The following PDZRN3 variants were observed in gnomAD, a reference collection of about 807,000 sequenced individuals.
The protein encoded by PDZRN3 is E3 ubiquitin-protein ligase PDZRN3.
A neutral mutation model predicts 85.7 loss-of-function variants in PDZRN3; 38 were observed. The ratio of observed to expected loss-of-function variants is 0.44; its 90% confidence interval spans 0.34 to 0.58. The LOEUF is 0.58. Ranked by LOEUF, PDZRN3 falls within the 20% of genes least tolerant of loss-of-function variation. The pLI, the probability that PDZRN3 is intolerant of heterozygous loss-of-function variation, is 0.01. For missense variants in PDZRN3, 1,629 were observed against 1,506.4 expected, an observed-to-expected ratio of 1.08 and a Z score of -1.35; for synonymous variants, 759 against 638.0, an observed-to-expected ratio of 1.19 and a Z score of -2.86.
At chr3:73,505,685 C>A (rs1559713289) in intron 3 of PDZRN3, among the ~76,000 whole-genome samples, 1 of 151,996 alleles carries the variant, frequency 6.6e-6, no homozygotes, top group African/African-American at 2.4e-5. Context: ...TTATTTTCAT[C>A]ATCAGAAACT....
At chr3:73,517,729 A>G (rs1559718554) in intron 3 of PDZRN3, among the ~76,000 whole-genome samples, 1 of 152,226 alleles carries the variant, frequency 6.6e-6, no homozygotes, top group Non-Finnish European at 1.5e-5. Flanking sequence ...GACGATGTAG[A>G]GTTTCTGTAA....
intron 3 of PDZRN3, among the ~76,000 whole-genome samples, chr3:73,427,648 T>C (rs1203141189): frequency 6.6e-6 from 1 of 152,222 alleles, no homozygotes; most frequent in African/African-American, 2.4e-5. Context: ...GCTGTATCTG[T>C]GGAAACCATT....
chr3:73,384,246 A>G lies in PDZRN3; in HGVS notation c.2320T>C (p.Ser774Pro). The change falls in exon 10 of 10, where the codon TCC (serine) becomes CCC (proline). Residue 774 changes from serine to proline, a missense_variant. Physicochemically the swap from Ser to Pro is moderately conservative, Grantham distance 74. Transcript: ENST00000263666. ...CRSTPLTLEI[S>P]PDNSLRRAAE... ...GCTCTCCTCAAGGAGTTGTCGGGGG[A>G]GATCTCCAGGGTGAGCGGGGTGCTG... 3 of 1,613,224 alleles carry G rather than the reference A, an allele frequency of 1.9e-6. No homozygotes were observed. Among genetic ancestry groups the G allele is most frequent in the Non-Finnish European group, 2.5e-6 (3 of 1,179,860 alleles).
At chr3:73,593,780 T>C (rs7644582) in intron 3 of PDZRN3, among the ~76,000 whole-genome samples, 104,734 of 151,346 alleles carry the variant, frequency 0.69, 36,890 homozygotes, top group African/African-American at 0.83. Context: ...ATTACAGAAA[T>C]GTGGCTTTAC....
chr3:73,508,184 C>G (rs1704102366), intron 3 of PDZRN3, among the ~76,000 whole-genome samples: 1 of 152,200 alleles, frequency 6.6e-6, no homozygotes, highest in Admixed American at 6.5e-5. Flanking sequence ...AACCTCTCTT[C>G]CCCGGCACAT....
chr3:73,542,321 C>T (rs1340070014), intron 3 of PDZRN3, among the ~76,000 whole-genome samples: 2 of 152,174 alleles, frequency 1.3e-5, no homozygotes, highest in Non-Finnish European at 2.9e-5. Context: ...TACATGGTTG[C>T]CATGAGCAAC....
At chr3:73,451,152 C>A (rs1160170432) in intron 3 of PDZRN3, among the ~76,000 whole-genome samples, 1 of 152,166 alleles carries the variant, frequency 6.6e-6, no homozygotes, top group Admixed American at 6.5e-5. Context: ...TTCCTCGGAG[C>A]TGCAAATACT....
chr3:73,562,264 A>G (rs1701834468), intron 3 of PDZRN3, among the ~76,000 whole-genome samples: 1 of 152,154 alleles, frequency 6.6e-6, no homozygotes, highest in Non-Finnish European at 1.5e-5. Context: ...AATACCATTA[A>G]CATCACCAGG....
intron 5 of PDZRN3, among the ~76,000 whole-genome samples, chr3:73,397,587 C>A (rs557108956): frequency 6.6e-6 from 1 of 152,356 alleles, no homozygotes; most frequent in South Asian, 2.1e-4. Flanking sequence ...CAGAGAGACA[C>A]ACCTCTGAAA....
chr3:73,495,688 A>AGCCTT (rs1168628845), intron 3 of PDZRN3, among the ~76,000 whole-genome samples: 1 of 85,114 alleles, frequency 1.2e-5, no homozygotes, highest in Non-Finnish European at 3.7e-5. Flanking sequence ...ATAAGGCTAG[A>AGCCTT]ACTTCTCTAG....
chr3:73,530,812 G>C (rs914627552), intron 3 of PDZRN3, among the ~76,000 whole-genome samples: 1 of 152,102 alleles, frequency 6.6e-6, no homozygotes, highest in Non-Finnish European at 1.5e-5. Context: ...TCGTTCAATG[G>C]ACCAGCATAT....
chr3:73,619,103 G>C (rs1702812223), intron 1 of PDZRN3, among the ~76,000 whole-genome samples: 2 of 152,104 alleles, frequency 1.3e-5, no homozygotes. Flanking sequence ...GGATCTAGTG[G>C]AACAAAAATA....
chr3:73,622,757 G>A (rs1417622366), intron 1 of PDZRN3, among the ~76,000 whole-genome samples: 1 of 152,122 alleles, frequency 6.6e-6, no homozygotes, highest in Admixed American at 6.6e-5. Context: ...CTTAATTTTG[G>A]ACAAGTTATA....
intron 3 of PDZRN3, among the ~76,000 whole-genome samples, chr3:73,490,136 T>C (rs1280140265): frequency 1.3e-5 from 2 of 152,228 alleles, no homozygotes; most frequent in Non-Finnish European, 2.9e-5. Context: ...ACTAATTTTA[T>C]CTTCACGCCC....
intron 3 of PDZRN3, among the ~76,000 whole-genome samples, chr3:73,587,433 C>T (rs1181672905): frequency 1.3e-5 from 2 of 152,140 alleles, no homozygotes; most frequent in Non-Finnish European, 2.9e-5. Context: ...TTGAGTCATA[C>T]TTACATCTAT....
At chr3:73,513,647 A>T (rs1156656503) in intron 3 of PDZRN3, among the ~76,000 whole-genome samples, 1 of 152,228 alleles carries the variant, frequency 6.6e-6, no homozygotes, top group African/African-American at 2.4e-5. Flanking sequence ...AGAATTTAAC[A>T]TGGAGGTCCA....
At chr3:73,563,013 A>ATATATTTT (rs1187151191) in intron 3 of PDZRN3, among the ~76,000 whole-genome samples, 2 of 43,758 alleles carry the variant, frequency 4.6e-5, no homozygotes, top group African/African-American at 2.0e-4. Flanking sequence ...ATATATATAT[A>ATATATTTT]TTTTTTTTTT....
At chr3:73,574,804 C>CT (rs1702099312) in intron 3 of PDZRN3, among the ~76,000 whole-genome samples, 1 of 152,198 alleles carries the variant, frequency 6.6e-6, no homozygotes. Flanking sequence ...TAAGAAGGTG[C>CT]TTTTTACAAC....
chr3:73,611,159 TA>T (rs1233966011), intron 1 of PDZRN3, among the ~76,000 whole-genome samples: 2 of 152,200 alleles, frequency 1.3e-5, no homozygotes, highest in Non-Finnish European at 2.9e-5. Context: ...AGCAACATCT[TA>T]GGTCCTGTTC....
Sources: allele counts gnomAD v4.1 joint callset (sites outside exome capture counted in the v4.1 genomes callset), GRCh38; gene constraint gnomAD v4.1.1; transcripts MANE v1.5; gene names NCBI Gene and HGNC (gene_info 2026-07-23, HGNC 2026-07-21).